Variants in GPC5 observed in about 807,000 individuals in gnomAD.
The protein encoded by GPC5 is glypican 5, also known as glypican-5.
GPC5 carries 47 observed loss-of-function variants against 53.9 expected under a neutral mutation model. The ratio of observed to expected loss-of-function variants is 0.87; its 90% CI spans 0.69 to 1.11. The LOEUF (loss-of-function observed/expected upper bound fraction) is 1.11, where lower values mean the gene tolerates loss of function less well. Among genes scored for constraint, GPC5 ranks in the 50% most tolerant of loss-of-function variants. GPC5 has a pLI of 0.00. For synonymous variants in GPC5, 286 were observed against 263.3 expected, an observed-to-expected ratio of 1.09 and a Z score of -0.84; for missense variants, 748 against 713.1, an observed-to-expected ratio of 1.05 and a Z score of -0.56.
intron 7 of GPC5, among the ~76,000 whole-genome samples, chr13:92,591,376 G>T (rs1311460976): frequency 6.6e-6 from 1 of 152,098 alleles, no homozygotes; most frequent in Non-Finnish European, 1.5e-5. Context: ...ATCAACTCTA[G>T]GGGAATGCCC....
chr13:92,818,277 T>G (rs922526147), intron 7 of GPC5, among the ~76,000 whole-genome samples: 1 of 152,044 alleles, frequency 6.6e-6, no homozygotes, highest in African/African-American at 2.4e-5. Flanking sequence ...CCCAAAGTGC[T>G]GGCATTACAG....
chr13:91,701,608 A>G (rs1393564593), intron 3 of GPC5, among the ~76,000 whole-genome samples: 1 of 151,556 alleles, frequency 6.6e-6, no homozygotes, highest in Non-Finnish European at 1.5e-5. Flanking sequence ...CTCTTATTCC[A>G]TAGGTTCTCT....
At chr13:91,578,925 T>C (rs1476441476) in intron 2 of GPC5, among the ~76,000 whole-genome samples, 1 of 151,950 alleles carries the variant, frequency 6.6e-6, no homozygotes. Context: ...CATGTGCCTG[T>C]AGTCCCAGTC....
At chr13:92,009,285 T>TGTGTGTGTGTGTGTGTG (rs1594721385) in intron 6 of GPC5, among the ~76,000 whole-genome samples, 5 of 150,910 alleles carry the variant, frequency 3.3e-5, no homozygotes, top group Non-Finnish European at 5.9e-5. Flanking sequence ...TGTGTGTGTG[T>TGTGTGTGTGTGTGTGTG]TTCAATATGG....
chr13:91,671,097 T>G (rs569303002), intron 2 of GPC5, among the ~76,000 whole-genome samples: 1 of 152,294 alleles, frequency 6.6e-6, no homozygotes, highest in East Asian at 1.9e-4. Context: ...AATTAGTGTA[T>G]TGGGCCCCAG....
intron 2 of GPC5, among the ~76,000 whole-genome samples, chr13:91,689,199 A>ATATG (rs2035694057): frequency 9.6e-6 from 1 of 104,600 alleles, no homozygotes; most frequent in Non-Finnish European, 1.8e-5. Flanking sequence ...ATATATATAT[A>ATATG]TATATATATA....
intron 7 of GPC5, among the ~76,000 whole-genome samples, chr13:92,794,808 C>T (rs1357227130): frequency 6.6e-6 from 1 of 152,046 alleles, no homozygotes; most frequent in Non-Finnish European, 1.5e-5. Flanking sequence ...AATAAAATAT[C>T]TAGGAATCCA....
chr13:91,818,772 A>T (rs1459080295), intron 5 of GPC5, among the ~76,000 whole-genome samples: 1 of 152,220 alleles, frequency 6.6e-6, no homozygotes, highest in African/African-American at 2.4e-5. Context: ...AACCGTAACA[A>T]GACAAAGCCA....
At chr13:91,975,539 A>G (rs1232518621) in intron 6 of GPC5, among the ~76,000 whole-genome samples, 2 of 152,264 alleles carry the variant, frequency 1.3e-5, no homozygotes, top group African/African-American at 4.8e-5. Flanking sequence ...ATCACTGGCC[A>G]TCAGAGAAAT....
intron 7 of GPC5, among the ~76,000 whole-genome samples, chr13:92,614,436 C>G (rs1334413917): frequency 6.6e-6 from 1 of 152,112 alleles, no homozygotes; most frequent in Non-Finnish European, 1.5e-5. Context: ...CATTTTAAGT[C>G]CAGATGCTCC....
intron 5 of GPC5, among the ~76,000 whole-genome samples, chr13:91,884,554 A>C (rs1001931010): frequency 6.6e-6 from 1 of 152,216 alleles, no homozygotes; most frequent in Admixed American, 6.5e-5. Context: ...ATGAGAATAC[A>C]TGAACACAGA....
intron 6 of GPC5, among the ~76,000 whole-genome samples, chr13:91,920,084 A>G (rs1185725925): frequency 2.0e-5 from 3 of 152,296 alleles, no homozygotes; most frequent in East Asian, 1.9e-4. Flanking sequence ...TGATCACTGC[A>G]CATTAAAGGA....
chr13:92,097,309 A>G (rs1379205869), intron 6 of GPC5, among the ~76,000 whole-genome samples: 2 of 152,230 alleles, frequency 1.3e-5, no homozygotes, highest in Admixed American at 6.5e-5. Flanking sequence ...AATGCAGGAA[A>G]AAAGAGGTAA....
chr13:91,998,520 A>T (rs1318798930), intron 6 of GPC5, among the ~76,000 whole-genome samples: 1 of 152,146 alleles, frequency 6.6e-6, no homozygotes, highest in Non-Finnish European at 1.5e-5. Context: ...ATTTATTGAG[A>T]TCTTTAATTT....
At chr13:92,378,756 C>G (rs2043714869) in intron 7 of GPC5, among the ~76,000 whole-genome samples, 1 of 152,252 alleles carries the variant, frequency 6.6e-6, no homozygotes, top group Middle Eastern at 3.4e-3. Flanking sequence ...GTTTTTACCT[C>G]TACATTTTAA....
intron 7 of GPC5, among the ~76,000 whole-genome samples, chr13:92,196,567 A>C (rs923400908): frequency 1.3e-5 from 2 of 152,196 alleles, no homozygotes; most frequent in African/African-American, 4.8e-5. Context: ...CCCCACTAAA[A>C]ATTTTAGTCA....
At chr13:92,757,592 G>A (rs1874943417) in intron 7 of GPC5, among the ~76,000 whole-genome samples, 1 of 152,046 alleles carries the variant, frequency 6.6e-6, no homozygotes, top group Non-Finnish European at 1.5e-5. Context: ...TCTGAAAAAG[G>A]GCTAATATCC....
rs541331419 is a variant in GPC5 at position 91,540,889 on chromosome 13, G to GA, written c.325+91977dup. ...TCCATGATAAGGATAAAGACATACA[G>GA]AAAAAAAAAACAGTGGCCACAACAT... On this transcript the variant is annotated intron_variant, in intron 2 of 7. Coordinates refer to ENST00000377067, the MANE Select transcript of GPC5 (RefSeq NM_004466.6). Among the ~76,000 whole-genome samples the GA allele has an allele frequency of 1.1e-3, 161 of 145,656 alleles. 1 individual carries two copies. Among genetic ancestry groups the GA allele is most frequent in the Middle Eastern group, 7.2e-3 (2 of 278 alleles).
chr13:92,602,241 TA>T lies in GPC5; in HGVS notation c.1562-264040del, dbSNP rs1884096880. 2.4e-5 allele frequency among the ~76,000 whole-genome samples: 3 copies of T among 127,410 alleles called. 1 individual carries two copies. The Admixed American group carries it at 2.5e-4, about 11-fold the overall frequency. 83.6% of individuals were successfully genotyped at this position (127,410 alleles called of 152,430 possible). A position where few individuals can be genotyped will look rare whatever the true frequency, so the allele number is the denominator to read the frequency against. On this transcript the variant is annotated intron_variant, in intron 7 of 7. Transcript: ENST00000377067. The stretch of plus-strand genomic sequence containing the variant: ...TATAAATATATATATAACATATATA[TA>T]TATATATATATATATATATATGCAC...
Sources: allele counts gnomAD v4.1 joint callset (sites outside exome capture counted in the v4.1 genomes callset), GRCh38; gene constraint gnomAD v4.1.1; transcripts MANE v1.5; gene names NCBI Gene and HGNC (gene_info 2026-07-23, HGNC 2026-07-21).